Variants in KCNK13 observed in about 807,000 individuals in gnomAD.
The protein encoded by KCNK13 is potassium channel subfamily K member 13.
A neutral mutation model predicts 23.4 loss-of-function variants in KCNK13; 12 were observed. The ratio of observed to expected loss-of-function variants is 0.51; its 90% CI spans 0.33 to 0.83. The LOEUF is 0.83. Among genes scored for constraint, KCNK13 ranks in the 40% least tolerant of loss-of-function variants. The pLI is 0.02. For synonymous variants in KCNK13, 231 were observed against 229.5 expected (o/e 1.01, Z -0.06); for missense variants, 463 against 556.3 (o/e 0.83, Z 1.69).
At chr14:90,159,545 A>C (rs1890229737) in intron 1 of KCNK13, among the ~76,000 whole-genome samples, 1 of 152,222 alleles carries the variant, frequency 6.6e-6, no homozygotes, top group South Asian at 2.1e-4. Flanking sequence ...AAATCTCCCA[A>C]GGTGTACAAT....
chr14:90,082,452 T>C (rs1372101050), intron 1 of KCNK13, among the ~76,000 whole-genome samples: 3 of 152,162 alleles, frequency 2.0e-5, no homozygotes, highest in Non-Finnish European at 2.9e-5. Flanking sequence ...CCTCCAGCCT[T>C]AGGCAACCAA....
intron 1 of KCNK13, among the ~76,000 whole-genome samples, chr14:90,078,608 A>T (rs1054401146): frequency 3.3e-5 from 5 of 151,666 alleles, no homozygotes; most frequent in Non-Finnish European, 7.4e-5. Flanking sequence ...AGAAAGAAAG[A>T]GAGGGAGGGA....
intron 1 of KCNK13, among the ~76,000 whole-genome samples, chr14:90,085,521 T>C (rs886814752): frequency 6.6e-6 from 1 of 150,864 alleles, no homozygotes; most frequent in African/African-American, 2.4e-5. Context: ...TAGCCGGGCA[T>C]GGTGGCACAT....
chr14:90,144,495 C>CTTTTTTT (rs71117323), intron 1 of KCNK13, among the ~76,000 whole-genome samples: 2,164 of 119,100 alleles, frequency 0.018, 32 homozygotes, highest in East Asian at 0.051. Context: ...TTTACTTTCT[C>CTTTTTTT]TTTTTTTTTT....
At chr14:90,072,347 T>C (rs1889085360) in intron 1 of KCNK13, among the ~76,000 whole-genome samples, 1 of 152,206 alleles carries the variant, frequency 6.6e-6, no homozygotes, top group Non-Finnish European at 1.5e-5. Context: ...ACCGTGAATG[T>C]AAATGAGTGT....
intron 1 of KCNK13, among the ~76,000 whole-genome samples, chr14:90,088,074 C>G (rs1434088567): frequency 1.3e-5 from 2 of 152,138 alleles, no homozygotes; most frequent in Non-Finnish European, 2.9e-5. Flanking sequence ...GTGATCTCAG[C>G]TCACTGCAAC....
At chr14:90,144,179 A>G (rs926430329) in intron 1 of KCNK13, among the ~76,000 whole-genome samples, 21 of 152,204 alleles carry the variant, frequency 1.4e-4, no homozygotes, top group Non-Finnish European at 2.6e-4. Flanking sequence ...CTTCCGAGCC[A>G]TAAACATGGC....
Position 90,062,447 on chromosome 14 carries a change from C to T in KCNK13, c.242C>T (p.Ala81Val). ...LRGFLRHYEEATRAGIRVDNV... is the reference protein window; with the variant it reads ...LRGFLRHYEEVTRAGIRVDNV... ...GGCTTCCTCCGCCACTACGAGGAGG[C>T]CACTCGGGCCGGCATCCGCGTGGAC... The change falls in exon 1 of 2, where the codon GCC (alanine) becomes GTC (valine). Residue 81 changes from alanine (A) to valine (V), a missense_variant. Physicochemically the swap from Ala to Val is moderately conservative, Grantham distance 64. Around this residue, in one of 3 missense-constraint regions of KCNK13, gnomAD observed 153 missense variants for 153.6 expected, o/e 1.00. Coordinates refer to ENST00000282146, the MANE Select transcript of KCNK13 (RefSeq NM_022054.4). The surrounding 1 kb of genome is among the most constrained non-coding windows in gnomAD (Gnocchi z 4.5). The T allele has an allele frequency of 6.5e-7, 1 of 1,546,492 alleles. No homozygotes were observed.
intron 1 of KCNK13, among the ~76,000 whole-genome samples, chr14:90,142,736 G>A (rs1890023815): frequency 6.6e-6 from 1 of 152,206 alleles, no homozygotes; most frequent in Non-Finnish European, 1.5e-5. Flanking sequence ...AGGTTCTTAA[G>A]TTGGTCCTGT....
intron 1 of KCNK13, among the ~76,000 whole-genome samples, chr14:90,064,136 C>T (rs1204452770): frequency 4.6e-5 from 7 of 152,214 alleles, no homozygotes; most frequent in Non-Finnish European, 8.8e-5. Flanking sequence ...TCCCAGAAGA[C>T]AGTTCCAGAA....
intron 1 of KCNK13, among the ~76,000 whole-genome samples, chr14:90,096,695 A>G (rs1196170026): frequency 6.6e-6 from 1 of 152,234 alleles, no homozygotes; most frequent in Non-Finnish European, 1.5e-5. Flanking sequence ...AGCAGGAAGC[A>G]AATTTGAGAC....
At chr14:90,077,064 C>T (rs1245139449) in intron 1 of KCNK13, among the ~76,000 whole-genome samples, 1 of 150,402 alleles carries the variant, frequency 6.6e-6, no homozygotes, top group Non-Finnish European at 1.5e-5. Context: ...CGTGATCCGC[C>T]CGCCTCAGCC....
intron 1 of KCNK13, among the ~76,000 whole-genome samples, chr14:90,137,702 A>C (rs1013948383): frequency 6.6e-6 from 1 of 152,226 alleles, no homozygotes; most frequent in Non-Finnish European, 1.5e-5. Context: ...AATGGAGGAA[A>C]TAAATGAGAT....
chr14:90,168,588 T>C (rs1433453688), intron 1 of KCNK13, among the ~76,000 whole-genome samples: 1 of 152,166 alleles, frequency 6.6e-6, no homozygotes, highest in East Asian at 1.9e-4. Flanking sequence ...TTGCATCAGA[T>C]CACTATTAGG....
chr14:90,066,410 G>A (rs1027427707), intron 1 of KCNK13, among the ~76,000 whole-genome samples: 1 of 151,984 alleles, frequency 6.6e-6, no homozygotes, highest in Non-Finnish European at 1.5e-5. Flanking sequence ...GGGATTACAG[G>A]TGCAAGCCAC....
intron 1 of KCNK13, among the ~76,000 whole-genome samples, chr14:90,183,683 G>A (rs1890512481): frequency 6.6e-6 from 1 of 152,210 alleles, no homozygotes; most frequent in Admixed American, 6.5e-5. Context: ...AATGAATTCT[G>A]ATGAGTCTGT....
chr14:90,106,587 T>A (rs910915981), intron 1 of KCNK13, among the ~76,000 whole-genome samples: 3 of 151,510 alleles, frequency 2.0e-5, no homozygotes, highest in South Asian at 2.1e-4. Flanking sequence ...AAAAAAAAAA[T>A]TTATGATACT....
intron 1 of KCNK13, among the ~76,000 whole-genome samples, chr14:90,171,704 A>G (rs1249508404): frequency 3.3e-5 from 5 of 152,198 alleles, no homozygotes; most frequent in South Asian, 2.1e-4. Context: ...TAGGTGAGAG[A>G]CAAATGGTTA....
intron 1 of KCNK13, among the ~76,000 whole-genome samples, chr14:90,140,345 T>C (rs1050056614): frequency 6.6e-6 from 1 of 152,146 alleles, no homozygotes; most frequent in African/African-American, 2.4e-5. Flanking sequence ...CTACCACGCA[T>C]CAAAAACATT....
Sources: gnomAD v4.1 joint callset for allele counts (sites outside exome capture counted in the v4.1 genomes callset) on GRCh38, gnomAD v4.1.1 for gene constraint, gnomAD v4.1.1 regional missense constraint, Gnocchi (gnomAD v3.1) non-coding constraint, MANE v1.5 for transcripts, NCBI Gene and HGNC (gene_info 2026-07-23, HGNC 2026-07-21) for gene names.